CARMIL2: variants seen among roughly 807,000 people sequenced by gnomAD.
CARMIL2 encodes the protein capping protein regulator and myosin 1 linker 2.
Under a neutral mutation model 173.3 loss-of-function variants are expected in CARMIL2, and 96 were observed. That is an observed-to-expected ratio of 0.55 (90% CI 0.47 to 0.66). The LOEUF (loss-of-function observed/expected upper bound fraction) is 0.66, where lower values mean the gene tolerates loss of function less well. Ranked by LOEUF, CARMIL2 falls within the 30% of genes least tolerant of loss-of-function variation. The pLI is 0.00. For synonymous variants in CARMIL2, 830 were observed against 817.1 expected, an observed-to-expected ratio of 1.02 and a Z score of -0.27; for missense variants, 1,771 against 1,906.7, an observed-to-expected ratio of 0.93 and a Z score of 1.33.
chr16:67,649,894 A>G lies in CARMIL2; in HGVS notation c.2008A>G (p.Met670Val). ...GGAGCAGAACCACAGCCTGAAGGCC[A>G]TGCCTCTGCCACTGAACGACGTGGC... ...ALEQNHSLKA[M>V]PLPLNDVAQA... Residue 670 changes from methionine to valine, a missense_variant, in exon 21 of 38, where the codon ATG becomes GTG. Around this residue, in one of 3 missense-constraint regions of CARMIL2, gnomAD observed 944 missense variants for 975.6 expected, o/e 0.97. Coordinates refer to ENST00000334583, the MANE Select transcript of CARMIL2 (RefSeq NM_001013838.3). The surrounding 1 kb of genome is among the most constrained non-coding windows in gnomAD (Gnocchi z 6.7). 6.2e-7 allele frequency: 1 copy of G among 1,613,036 alleles called. No individual in the cohort carries two copies. The highest frequency in any genetic ancestry group is 1.7e-5 in the Admixed American group (1 of 60,008).
At position 67,657,195 on chromosome 16, in the gene CARMIL2, C is replaced by G; in HGVS notation, c.4118-44C>G. ...AGAGAGGGGCAGGGGATGGACAGACCCCAAGCCTTAGCAACCCACCCCAAG... is the reference window on the plus strand; with the variant it reads ...AGAGAGGGGCAGGGGATGGACAGACGCCAAGCCTTAGCAACCCACCCCAAG... On this transcript the variant is annotated intron_variant, in intron 36 of 37. Transcript: ENST00000334583. This position sits in a 1 kb window ranked among gnomAD's most constrained non-coding sequence, Gnocchi z 4.5. 2 of 1,573,010 alleles carry G rather than the reference C, an allele frequency of 1.3e-6. No homozygotes were observed.
chr16:67,648,443 C>T lies in CARMIL2; in HGVS notation c.1380C>T (p.Arg460=). The change falls in exon 15 of 38, where the codon CGC becomes CGT. Residue 460 remains arginine (R), a synonymous_variant. Coordinates refer to ENST00000334583, the MANE Select transcript of CARMIL2 (RefSeq NM_001013838.3). The surrounding 1 kb of genome is among the most constrained non-coding windows in gnomAD (Gnocchi z 6.1). ...APAALQLFLS[R]ARTLRHLGLA... is the part of the protein sequence containing the mutation. The stretch of plus-strand genomic sequence containing the variant: ...CCGCGCTGCAGCTCTTCCTCAGCCG[C>T]GCGCGGACGCTGCGGCACCTGGGCC... 6.8e-7 allele frequency: 1 copy of T among 1,474,166 alleles called. No homozygotes were observed. Among genetic ancestry groups the T allele is most frequent in the Non-Finnish European group, 8.9e-7 (1 of 1,122,046 alleles). The allele number at this position is 1,474,166 out of a possible 1,614,324, so 91.3% of individuals were successfully genotyped here. A position where few individuals can be genotyped will look rare whatever the true frequency, so the allele number is the denominator to read the frequency against.
chr16:67,649,166 G>A lies in CARMIL2; in HGVS notation c.1682G>A (p.Arg561Gln), dbSNP rs774485253. 1 of 1,613,332 alleles carries A rather than the reference G, an allele frequency of 6.2e-7. No homozygotes were observed. Among genetic ancestry groups the A allele is most frequent in the South Asian group, 1.1e-5 (1 of 91,000 alleles). ...GCGCTTGGAAGGAACTTCAACGTCC[G>A]GTGCAAGTGAGCCCCCACCCTACTC... is the stretch of plus-strand genomic sequence containing the variant. ...HVALGRNFNV[R>Q]CKETLDDVLH... is the part of the protein sequence containing the mutation. The change falls in exon 18 of 38, where the codon CGG becomes CAG. Residue 561 changes from arginine to glutamine, a missense_variant. Arg to Gln is a conservative substitution (Grantham distance 43). Transcript: ENST00000334583. This position sits in a 1 kb window ranked among gnomAD's most constrained non-coding sequence, Gnocchi z 6.7.
At position 67,648,201 on chromosome 16, in the gene CARMIL2, TC is replaced by T; in HGVS notation, c.1227del (p.Ala410ArgfsTer3). ...DWRAGRGGLG[P>X]PAGVANSLPP... is the part of the protein sequence containing the mutation. ...GGAGGGCGGGACGGGGAGGGCTCGG[TC>T]CCCCCGCGGGTGTAGCCAACAGCCT... On this transcript the variant is annotated frameshift_variant, in exon 14 of 38. Coordinates refer to ENST00000334583, the MANE Select transcript of CARMIL2 (RefSeq NM_001013838.3). LOFTEE classifies it high-confidence loss of function. This position sits in a 1 kb window ranked among gnomAD's most constrained non-coding sequence, Gnocchi z 6.1. 2 of 1,602,810 alleles carry T rather than the reference TC, an allele frequency of 1.2e-6. No individual in the cohort carries two copies. Among genetic ancestry groups the T allele is most frequent in the Non-Finnish European group, 1.7e-6 (2 of 1,175,774 alleles).
Position 67,651,199 on chromosome 16 carries a change from T to A in CARMIL2, c.2197T>A (p.Leu733Met). The A allele has an allele frequency of 6.2e-7, 1 of 1,613,202 alleles. No individual in the cohort carries two copies. Among genetic ancestry groups the A allele is most frequent in the Non-Finnish European group, 8.5e-7 (1 of 1,179,692 alleles). ...CATTTCGCCCCAGGAAGTGAATGAATTGTGTCAGTCGGTGCAGGAGCATGT... is the reference window on the plus strand; with the variant it reads ...CATTTCGCCCCAGGAAGTGAATGAAATGTGTCAGTCGGTGCAGGAGCATGT... The part of the protein sequence containing the change: ...SDPSEQEVNE[L>M]CQSVQEHVEL... Residue 733 changes from leucine (L) to methionine (M), a missense_variant, in exon 23 of 38, where the codon TTG becomes ATG. Leu to Met is a conservative substitution (Grantham distance 15). Coordinates refer to ENST00000334583, the MANE Select transcript of CARMIL2 (RefSeq NM_001013838.3). This position sits in a 1 kb window ranked among gnomAD's most constrained non-coding sequence, Gnocchi z 4.2.
chr16:67,652,215 A>G lies in CARMIL2; in HGVS notation c.2693A>G (p.Gln898Arg). 6.2e-7 allele frequency: 1 copy of G among 1,612,776 alleles called. No homozygotes were observed. Among genetic ancestry groups the G allele is most frequent in the African/African-American group, 1.3e-5 (1 of 75,062 alleles). ...GTATTGCAGGTGGAGAGTCTGGCTC[A>G]GCAGGCAACAGTGACAATGCCCCCT... is the stretch of plus-strand genomic sequence containing the variant. ...ARDQLVESLA[Q>R]QATVTMPPAL... The change falls in exon 27 of 38, where the codon CAG becomes CGG. Residue 898 changes from glutamine (Q) to arginine (R), a missense_variant. Coordinates refer to ENST00000334583, the MANE Select transcript of CARMIL2 (RefSeq NM_001013838.3). This position sits in a 1 kb window ranked among gnomAD's most constrained non-coding sequence, Gnocchi z 4.7.
rs1356327188 is a variant in CARMIL2 at position 67,652,797 on chromosome 16, G to T, written c.2885-222G>T. Among the ~76,000 whole-genome samples, 1 of 151,642 alleles carries T rather than the reference G, an allele frequency of 6.6e-6. No homozygotes were observed. Among genetic ancestry groups the T allele is most frequent in the Non-Finnish European group, 1.5e-5 (1 of 67,834 alleles). On this transcript the variant is annotated intron_variant, in intron 28 of 37. Coordinates refer to ENST00000334583, the MANE Select transcript of CARMIL2 (RefSeq NM_001013838.3). This position sits in a 1 kb window ranked among gnomAD's most constrained non-coding sequence, Gnocchi z 4.7. Reference sequence around the variant, plus strand: ...GCCCCTTTCCCTACCCCAGGGACGCGCATGCTGGGCGGCGGCGCGGAGCCG... The same window carrying T: ...GCCCCTTTCCCTACCCCAGGGACGCTCATGCTGGGCGGCGGCGCGGAGCCG...
In CARMIL2 at chr16:67,647,397, A is replaced by T. The variant is rs897585667; in HGVS notation, c.776+10A>T. ...CCTGCAGCCTGAGGGGGTGAGGGGG[A>T]CAGGGCAGGGCTTGGAGAGGAGAGT... is the stretch of plus-strand genomic sequence containing the variant. On this transcript the variant is annotated intron_variant, in intron 10 of 37. Transcript: ENST00000334583. 3.2e-6 allele frequency: 5 copies of T among 1,569,540 alleles called. No homozygotes were observed. In the African/African-American group the frequency reaches 6.8e-5, roughly 21 times the overall value.
At chr16:67,656,780 T>G in intron 35 of CARMIL2, 21 bp from the exon 36 acceptor site, 1 of 1,538,372 alleles carries the variant, frequency 6.5e-7, no homozygotes, top group Non-Finnish European at 8.7e-7. Context: ...GGAATACCCC[T>G]GATTCCCTGG....
At chr16:67,650,488 G>C (rs1370692803) in intron 22 of CARMIL2, 4 of 369,412 alleles carry the variant, frequency 1.1e-5, no homozygotes, top group East Asian at 1.1e-4. Flanking sequence ...CCCAAACCCA[G>C]CTGCTCCTTC....
intron 31 of CARMIL2, 35 bp from the exon 32 acceptor site, chr16:67,654,743 C>T (rs538058855): frequency 1.6e-5 from 26 of 1,611,244 alleles, no homozygotes; most frequent in South Asian, 3.3e-5. Context: ...ACCCAGGGCG[C>T]GGACTGTCTC....
chr16:67,651,227 AGCTGCTGGGCTGTGGG>A lies in CARMIL2; in HGVS notation c.2230_2245del (p.Leu744GlyfsTer49). ...TGTCAGTCGGTGCAGGAGCATGTGG[AGCTGCTGGGCTGTGGG>A]GCTGGGCCCCAGGGTGAAGCCGCTG... On this transcript the variant is annotated frameshift_variant, in exon 23 of 38. Coordinates refer to ENST00000334583, the MANE Select transcript of CARMIL2 (RefSeq NM_001013838.3). LOFTEE classifies it high-confidence loss of function. This position sits in a 1 kb window ranked among gnomAD's most constrained non-coding sequence, Gnocchi z 4.2. 6.2e-7 allele frequency: 1 copy of A among 1,613,556 alleles called. No individual in the cohort carries two copies. The highest frequency in any genetic ancestry group is 8.5e-7 in the Non-Finnish European group (1 of 1,179,824).
Position 67,647,372 on chromosome 16 carries a change from C to A in CARMIL2, c.761C>A (p.Thr254Asn), listed in dbSNP as rs751283384. 4 of 1,579,004 alleles carry A rather than the reference C, an allele frequency of 2.5e-6. No homozygotes were observed. Among genetic ancestry groups the A allele is most frequent in the Non-Finnish European group, 2.6e-6 (3 of 1,162,416 alleles). ...SSHLEELVLE[T>N]CSLRGDFVRR... ...CACCTGGAGGAGCTGGTGCTGGAGACCTGCAGCCTGAGGGGGTGAGGGGGA... is the reference window on the plus strand; with the variant it reads ...CACCTGGAGGAGCTGGTGCTGGAGAACTGCAGCCTGAGGGGGTGAGGGGGA... Residue 254 changes from threonine to asparagine, a missense_variant, in exon 10 of 38, where the codon ACC becomes AAC. Thr to Asn is a moderately conservative substitution (Grantham distance 65). Around this residue, in one of 3 missense-constraint regions of CARMIL2, gnomAD observed 944 missense variants for 975.6 expected, o/e 0.97. Coordinates refer to ENST00000334583, the MANE Select transcript of CARMIL2 (RefSeq NM_001013838.3).
chr16:67,651,910 C>A lies in CARMIL2; in HGVS notation c.2589-11C>A. On this transcript the variant is annotated splice_polypyrimidine_tract_variant and intron_variant, in intron 25 of 37. Coordinates refer to ENST00000334583, the MANE Select transcript of CARMIL2 (RefSeq NM_001013838.3). The surrounding 1 kb of genome is among the most constrained non-coding windows in gnomAD (Gnocchi z 4.2). ...GCCAGCCCATTAACCCCTGTCCTCT[C>A]CTGCCCTTAGGGACATGCGGCTATC... is the stretch of plus-strand genomic sequence containing the variant. The A allele has an allele frequency of 6.2e-7, 1 of 1,613,408 alleles. No individual in the cohort carries two copies. The highest frequency in any genetic ancestry group is 1.1e-5 in the South Asian group (1 of 91,088).
intron 33 of CARMIL2, 50 bp downstream of exon 33, chr16:67,656,117 A>G (rs1210192784): frequency 1.2e-6 from 2 of 1,611,116 alleles, no homozygotes; most frequent in Non-Finnish European, 8.5e-7. Context: ...AGGTGTCCTT[A>G]TAGACAGCCC....
chr16:67,655,178 C>G (rs2052817702), intron 32 of CARMIL2, among the ~76,000 whole-genome samples: 1 of 152,242 alleles, frequency 6.6e-6, no homozygotes, highest in Admixed American at 6.5e-5. Flanking sequence ...CGCCTGTAAT[C>G]CCGACACTTT....
At chr16:67,645,359 C>A in intron 1 of CARMIL2, 73 bp downstream of exon 1, 1 of 1,505,606 alleles carries the variant, frequency 6.6e-7, no homozygotes, top group Non-Finnish European at 9.1e-7. Flanking sequence ...GCCCACCCAG[C>A]GCCCCAGAGG....
rs2052577572 is a variant in CARMIL2 at position 67,645,558 on chromosome 16, T to G, written c.59T>G (p.Leu20Arg). 1 of 1,607,964 alleles carries G rather than the reference T, an allele frequency of 6.2e-7. No individual in the cohort carries two copies. The highest frequency in any genetic ancestry group is 1.1e-5 in the South Asian group (1 of 90,186). ...CELRGEITRF[L>R]WPKEVELLLK... is the part of the protein sequence containing the mutation. ...TCCACAGGCGAGATCACCAGGTTCC[T>G]GTGGCCCAAAGAGGTGGAGCTGCTG... The change falls in exon 2 of 38, where the codon CTG becomes CGG. Residue 20 changes from leucine to arginine, a missense_variant. Leu to Arg is a moderately radical substitution (Grantham distance 102, BLOSUM62 -2). This residue lies in a region of CARMIL2 where 944 missense variants were observed against 975.6 expected (regional missense o/e 0.97). Coordinates refer to ENST00000334583, the MANE Select transcript of CARMIL2 (RefSeq NM_001013838.3).
In CARMIL2 at chr16:67,653,309, C is replaced by T. The variant is rs896587031; in HGVS notation, c.3120+55C>T. 2 of 917,558 alleles carry T rather than the reference C, an allele frequency of 2.2e-6. No individual in the cohort carries two copies. Among genetic ancestry groups the T allele is most frequent in the Non-Finnish European group, 2.7e-6 (2 of 731,962 alleles). 56.8% of individuals were successfully genotyped at this position (917,558 alleles called of 1,614,324 possible). A position where few individuals can be genotyped will look rare whatever the true frequency, so the allele number is the denominator to read the frequency against. ...GTGGAATTGGGGATCACGGGTGGCCCGGCCGCTCCTCATGGGTGGTAGCGG... is the reference window on the plus strand; with the variant it reads ...GTGGAATTGGGGATCACGGGTGGCCTGGCCGCTCCTCATGGGTGGTAGCGG... On this transcript the variant is annotated intron_variant, in intron 29 of 37. Coordinates refer to ENST00000334583, the MANE Select transcript of CARMIL2 (RefSeq NM_001013838.3). This position sits in a 1 kb window ranked among gnomAD's most constrained non-coding sequence, Gnocchi z 7.4.
Sources: allele counts gnomAD v4.1 joint callset (sites outside exome capture counted in the v4.1 genomes callset), GRCh38; gene constraint gnomAD v4.1.1; regional missense constraint gnomAD v4.1.1; non-coding constraint Gnocchi (gnomAD v3.1); transcripts MANE v1.5; gene names NCBI Gene and HGNC (gene_info 2026-07-23, HGNC 2026-07-21).